TULP2: variants seen among roughly 807,000 people sequenced by gnomAD.
The protein encoded by TULP2 is TUB like protein 2.
TULP2 carries 64 observed loss-of-function variants against 60.3 expected under a neutral mutation model. The observed-to-expected ratio is 1.06, with a 90% confidence interval of 0.87 to 1.31. The LOEUF is 1.31. Among genes scored for constraint, TULP2 ranks in the 50% most tolerant of loss-of-function variants. The pLI, the probability that TULP2 is intolerant of heterozygous loss-of-function variation, is 0.00. For synonymous variants in TULP2, 267 were observed against 265.4 expected (o/e 1.01, Z -0.06); for missense variants, 652 against 667.0 (o/e 0.98, Z 0.25).
chr19:48,897,980 T>C lies in TULP2; in HGVS notation c.-1-111A>G. On this transcript the variant is annotated intron_variant, in intron 1 of 12. Transcript: ENST00000221399. This position sits in a 1 kb window ranked among gnomAD's most constrained non-coding sequence, Gnocchi z 4.0. The stretch of plus-strand genomic sequence containing the variant: ...ATTTATTTATTTATTTATTTATTTA[T>C]GTATTTAGAGACAGCTGAGCCTCGC... 1 of 940,262 alleles carries C rather than the reference T, an allele frequency of 1.1e-6. No homozygotes were observed. The highest frequency in any genetic ancestry group is 1.7e-5 in the African/African-American group (1 of 57,874). The allele number at this position is 940,262 out of a possible 1,614,324, so 58.2% of individuals were successfully genotyped here.
At chr19:48,881,417 TGTTG>T (rs1349158364) in intron 12 of TULP2, among the ~76,000 whole-genome samples, 3 of 145,470 alleles carry the variant, frequency 2.1e-5, no homozygotes, top group African/African-American at 7.8e-5. Context: ...AGTCTCGCTC[TGTTG>T]CCCAGGCTGG....
chr19:48,882,510 T>C (rs1346653188), intron 11 of TULP2, among the ~76,000 whole-genome samples: 4 of 152,056 alleles, frequency 2.6e-5, no homozygotes, highest in Non-Finnish European at 5.9e-5. Flanking sequence ...GCAGAAAGGG[T>C]ACACTCACCA....
At position 48,897,291 on chromosome 19, in the gene TULP2, G is replaced by T. The variant is rs1336955096; in HGVS notation, c.84+54C>A. 12 of 1,592,290 alleles carry T rather than the reference G, an allele frequency of 7.5e-6. No individual in the cohort carries two copies. Among genetic ancestry groups the T allele is most frequent in the Non-Finnish European group, 1.0e-5 (12 of 1,163,664 alleles). On this transcript the variant is annotated intron_variant, in intron 3 of 12. Transcript: ENST00000221399. This position sits in a 1 kb window ranked among gnomAD's most constrained non-coding sequence, Gnocchi z 4.0. Reference sequence around the variant, plus strand: ...AGCAAGACCTGGTGGAGAGGCCCCTGGGGAGGCACAGAAGGCGGAAGAGTT... The same window carrying T: ...AGCAAGACCTGGTGGAGAGGCCCCTTGGGAGGCACAGAAGGCGGAAGAGTT...
intron 8 of TULP2, among the ~76,000 whole-genome samples, chr19:48,887,626 C>T (rs944735210): frequency 2.0e-5 from 3 of 151,930 alleles, no homozygotes; most frequent in South Asian, 2.1e-4. Flanking sequence ...GATGCAATCT[C>T]GGCTCACTGC....
chr19:48,893,325 G>A (rs910569609), intron 6 of TULP2, among the ~76,000 whole-genome samples: 7 of 150,676 alleles, frequency 4.6e-5, no homozygotes, highest in African/African-American at 9.8e-5. Context: ...AGCTGAGATC[G>A]CGCCATTGCA....
rs1374684156 is a variant in TULP2, at chr19:48,888,078, C to T, written c.820G>A (p.Ala274Thr). The T allele has an allele frequency of 6.2e-7, 1 of 1,614,214 alleles. No individual in the cohort carries two copies. Among genetic ancestry groups the T allele is most frequent in the Non-Finnish European group, 8.5e-7 (1 of 1,180,032 alleles). ...GGGAGCGCTGGCCGCAGCACGTAGG[C>T]TTCCATGTCCTCCTCCAGCCCAGGG... ...PCPGLEEDME[A>T]YVLRPALPGT... The change falls in exon 8 of 13, where the codon GCC (alanine) becomes ACC (threonine). Residue 274 changes from alanine (A) to threonine (T), a missense_variant. Transcript: ENST00000221399.
At chr19:48,881,755 T>C (rs1012187594) in intron 12 of TULP2, among the ~76,000 whole-genome samples, 4 of 152,014 alleles carry the variant, frequency 2.6e-5, no homozygotes, top group Non-Finnish European at 5.9e-5. Context: ...TGACCTCAGA[T>C]GATCCACCCA....
intron 6 of TULP2, among the ~76,000 whole-genome samples, chr19:48,889,902 C>T (rs2037217025): frequency 6.6e-6 from 1 of 152,204 alleles, no homozygotes; most frequent in South Asian, 2.1e-4. Flanking sequence ...ACTCCCTAAT[C>T]TCAAGTACCC....
chr19:48,888,250 C>T lies in TULP2; in HGVS notation c.648G>A (p.Leu216=). ...ENLAFQKEED[L]EKKREASEST... is the part of the protein sequence containing the mutation. Reference sequence around the variant, plus strand: ...ACTCAGAGGCCTCTCTCTTCTTTTCCAAGTCTTCTTCCTAGCCCAGGCACC... The same window carrying T: ...ACTCAGAGGCCTCTCTCTTCTTTTCTAAGTCTTCTTCCTAGCCCAGGCACC... The change falls in exon 8 of 13, where the codon TTG becomes TTA. Residue 216 remains leucine (L), a synonymous_variant. Transcript: ENST00000221399. 1 of 1,590,956 alleles carries T rather than the reference C, an allele frequency of 6.3e-7. No individual in the cohort carries two copies. The highest frequency in any genetic ancestry group is 8.6e-7 in the Non-Finnish European group (1 of 1,164,108).
rs2037201887 is a variant in TULP2 at position 48,888,240 on chromosome 19, T to C, written c.658A>G (p.Arg220Gly). The part of the protein sequence containing the change: ...FQKEEDLEKK[R>G]EASESTGTNS... The stretch of plus-strand genomic sequence containing the variant: ...GTCCCTGTAGACTCAGAGGCCTCTC[T>C]CTTCTTTTCCAAGTCTTCTTCCTAG... The change falls in exon 8 of 13, where the codon AGA becomes GGA. Residue 220 changes from arginine (R) to glycine (G), a missense_variant. By Grantham distance (125) the Arg-to-Gly change is moderately radical. Coordinates refer to ENST00000221399, the MANE Select transcript of TULP2 (RefSeq NM_003323.3). 6.3e-7 allele frequency: 1 copy of C among 1,593,836 alleles called. No individual in the cohort carries two copies.
chr19:48,889,509 C>A lies in TULP2; in HGVS notation c.636+1G>T. ...TCCTGAGTGATTGTGCATTTTCCTA[C>A]CTTTTGGAAGGCCAAGTTTTCATAT... On this transcript the variant is annotated splice_donor_variant, in intron 7 of 12. Transcript: ENST00000221399. LOFTEE classifies it high-confidence loss of function. The A allele has an allele frequency of 1.3e-6, 2 of 1,569,038 alleles. No individual in the cohort carries two copies. Among genetic ancestry groups the A allele is most frequent in the African/African-American group, 1.3e-5 (1 of 74,408 alleles).
chr19:48,892,664 C>T (rs1004123821), intron 6 of TULP2, among the ~76,000 whole-genome samples: 4 of 151,902 alleles, frequency 2.6e-5, no homozygotes, highest in South Asian at 2.1e-4. Flanking sequence ...CCACCGCAAC[C>T]GGCTAATTTT....
rs1599996433 is a variant in TULP2 at position 48,888,221 on chromosome 19, G to A, written c.677C>T (p.Thr226Ile). The change falls in exon 8 of 13, where the codon ACA (threonine) becomes ATA (isoleucine). Residue 226 changes from threonine to isoleucine, a missense_variant. By Grantham distance (89) the Thr-to-Ile change is moderately conservative. Transcript: ENST00000221399. ...GTGTGCTGCTGAGGAGTTCGTCCCT[G>A]TAGACTCAGAGGCCTCTCTCTTCTT... Reference protein sequence around the residue: ...LEKKREASESTGTNSSAAHNE... With the variant: ...LEKKREASESIGTNSSAAHNE... The A allele has an allele frequency of 1.9e-6, 3 of 1,607,718 alleles. No individual in the cohort carries two copies. The highest frequency in any genetic ancestry group is 8.5e-7 in the Non-Finnish European group (1 of 1,174,836).
intron 6 of TULP2, among the ~76,000 whole-genome samples, chr19:48,892,670 A>AT (rs1304811930): frequency 1.1e-4 from 17 of 151,676 alleles, no homozygotes; most frequent in Non-Finnish European, 2.2e-4. Flanking sequence ...CAACCGGCTA[A>AT]TTTTTTGTAT....
chr19:48,889,930 G>A (rs958368475), intron 6 of TULP2, among the ~76,000 whole-genome samples: 1 of 147,498 alleles, frequency 6.8e-6, no homozygotes, highest in Non-Finnish European at 1.5e-5. Flanking sequence ...CAAACACCGC[G>A]GAAGGGCGCA....
Position 48,887,960 on chromosome 19 carries a change from T to C in TULP2, c.938A>G (p.Asp313Gly), listed in dbSNP as rs758753259. 3.1e-6 allele frequency: 5 copies of C among 1,609,458 alleles called. No individual in the cohort carries two copies. In the South Asian group the frequency reaches 5.5e-5, roughly 18 times the overall value. The change falls in exon 8 of 13, where the codon GAC (aspartate) becomes GGC (glycine). Residue 313 changes from aspartate (D) to glycine (G), a missense_variant. Asp to Gly is a moderately conservative substitution (Grantham distance 94). Transcript: ENST00000221399. ...GCTGGCTTACTGCACCTGCAGGCTG[T>C]CAGAGGTCTCCAGGTAGAGGTAGTA... ...PLYYLYLETS[D>G]SLQRFLLAGR... is the part of the protein sequence containing the mutation.
chr19:48,887,338 T>TTTTTTTTTTTTATTTTTA (rs1285265988), intron 8 of TULP2, among the ~76,000 whole-genome samples: 1 of 95,254 alleles, frequency 1.0e-5, no homozygotes, highest in Non-Finnish European at 2.1e-5. Context: ...TTTTTTTTTT[T>TTTTTTTTTTTTATTTTTA]TTTTTATGCA....
rs542431062 is a variant in TULP2 at position 48,888,057 on chromosome 19, G to A, written c.841C>T (p.Leu281Phe). 29 of 1,614,194 alleles carry A rather than the reference G, an allele frequency of 1.8e-5. 1 individual carries two copies. The Middle Eastern group carries it at 4.9e-4, about 28-fold the overall frequency. ...DMEAYVLRPA[L>F]PGTMMQCYLT... ...TAGCACTGCATCATGGTGCCCGGGA[G>A]CGCTGGCCGCAGCACGTAGGCTTCC... Residue 281 changes from leucine to phenylalanine, a missense_variant, in exon 8 of 13, where the codon CTC becomes TTC. By Grantham distance (22) the Leu-to-Phe change is conservative. Coordinates refer to ENST00000221399, the MANE Select transcript of TULP2 (RefSeq NM_003323.3).
At chr19:48,892,509 T>TTC (rs1369763900) in intron 6 of TULP2, among the ~76,000 whole-genome samples, 6 of 151,890 alleles carry the variant, frequency 4.0e-5, no homozygotes, top group African/African-American at 1.4e-4. Context: ...TTTTTCTTTT[T>TTC]TTTTTTGGGG....
Sources: allele counts gnomAD v4.1 joint callset (sites outside exome capture counted in the v4.1 genomes callset), GRCh38; gene constraint gnomAD v4.1.1; non-coding constraint Gnocchi (gnomAD v3.1); transcripts MANE v1.5; gene names NCBI Gene and HGNC (gene_info 2026-07-23, HGNC 2026-07-21).